The following CTIF variants were observed in gnomAD, a reference collection of about 807,000 sequenced individuals.
The protein encoded by CTIF is cap binding complex dependent translation initiation factor, also known as CBP80/20-dependent translation initiation factor.
In CTIF, 21 loss-of-function variants were observed where a neutral mutation model predicts 66.0. The ratio of observed to expected loss-of-function variants is 0.32; its 90% CI spans 0.23 to 0.46. CTIF has a LOEUF of 0.46. CTIF is among the 20% of genes least tolerant of loss of function. The probability of loss-of-function intolerance (pLI) is 1.00; values close to 1 mark genes in which losing one functional copy is unlikely to be tolerated. For synonymous variants in CTIF, 345 were observed against 326.4 expected, an observed-to-expected ratio of 1.06 and a Z score of -0.62; for missense variants, 739 against 812.7, an observed-to-expected ratio of 0.91 and a Z score of 1.10.
chr18:48,782,850 C>A (rs760888556), intron 9 of CTIF, among the ~76,000 whole-genome samples: 1 of 152,114 alleles, frequency 6.6e-6, no homozygotes, highest in East Asian at 1.9e-4. Context: ...GGAATGCCCA[C>A]GCCTGTGGCC....
At chr18:48,653,611 A>G (rs1367808466) in intron 3 of CTIF, among the ~76,000 whole-genome samples, 1 of 152,220 alleles carries the variant, frequency 6.6e-6, no homozygotes, top group Non-Finnish European at 1.5e-5. Context: ...TCTTCACAGA[A>G]TTGGAAAAAA....
At chr18:48,707,355 T>G (rs369345786) in intron 6 of CTIF, among the ~76,000 whole-genome samples, 16 of 152,346 alleles carry the variant, frequency 1.1e-4, no homozygotes, top group African/African-American at 3.8e-4. Flanking sequence ...CAACTTATAC[T>G]TTTTCCAGAT....
chr18:48,623,982 C>A (rs902751302), intron 2 of CTIF, among the ~76,000 whole-genome samples: 2 of 152,016 alleles, frequency 1.3e-5, no homozygotes, highest in Middle Eastern at 3.2e-3. Context: ...GATGAATAAC[C>A]AAGACAATGT....
chr18:48,764,024 C>G (rs933689747), intron 9 of CTIF, among the ~76,000 whole-genome samples: 16 of 152,122 alleles, frequency 1.1e-4, no homozygotes, highest in Admixed American at 1.3e-4. Flanking sequence ...TCCCCACCCC[C>G]CATCAGCCAG....
intron 1 of CTIF, among the ~76,000 whole-genome samples, chr18:48,587,909 A>T (rs545665364): frequency 3.5e-4 from 53 of 152,352 alleles, no homozygotes; most frequent in Admixed American, 2.9e-3. Context: ...CACACAGCCA[A>T]TCGCCTTTCT....
rs1158576631 is a variant in CTIF, at chr18:48,761,215, GC to G, written c.1072-174del. On this transcript the variant is annotated intron_variant, in intron 8 of 11. Transcript: ENST00000256413. The surrounding 1 kb of genome is among the most constrained non-coding windows in gnomAD (Gnocchi z 4.2). ...GGGCCAAGAAAAAAGGCAACAAGGA[GC>G]TTTTGGCGCATGAGGGGTCTTTGGT... 1 of 608,250 alleles carries G rather than the reference GC, an allele frequency of 1.6e-6. No individual in the cohort carries two copies. Among genetic ancestry groups the G allele is most frequent in the African/African-American group, 1.8e-5 (1 of 54,114 alleles). 37.7% of individuals were successfully genotyped at this position (608,250 alleles called of 1,614,324 possible).
chr18:48,622,307 G>C (rs2090509951), intron 2 of CTIF, among the ~76,000 whole-genome samples: 1 of 152,100 alleles, frequency 6.6e-6, no homozygotes, highest in South Asian at 2.1e-4. Context: ...TCCAGGAGTG[G>C]GGTGTTTGAA....
At chr18:48,848,729 G>T (rs1415493438) in intron 10 of CTIF, among the ~76,000 whole-genome samples, 2 of 152,162 alleles carry the variant, frequency 1.3e-5, no homozygotes, top group African/African-American at 4.8e-5. Flanking sequence ...TGTGCCCGTG[G>T]CCCTTCCCCC....
At chr18:48,598,490 T>C (rs1210171056) in intron 1 of CTIF, among the ~76,000 whole-genome samples, 2 of 152,136 alleles carry the variant, frequency 1.3e-5, no homozygotes, top group African/African-American at 2.4e-5. Context: ...TCAGAATATA[T>C]GCAGCAGGGC....
chr18:48,612,287 C>T (rs753671708), intron 1 of CTIF, among the ~76,000 whole-genome samples: 29 of 152,178 alleles, frequency 1.9e-4, no homozygotes, highest in Admixed American at 1.6e-3. Flanking sequence ...ATGGCTTCCT[C>T]GGGGAGAGCC....
At chr18:48,819,724 T>C (rs2068443106) in intron 10 of CTIF, among the ~76,000 whole-genome samples, 1 of 152,230 alleles carries the variant, frequency 6.6e-6, no homozygotes, top group South Asian at 2.1e-4. Context: ...AAATCACCTA[T>C]GGTCTTCTCC....
intron 7 of CTIF, among the ~76,000 whole-genome samples, chr18:48,739,255 T>A (rs2092533107): frequency 6.6e-6 from 1 of 152,030 alleles, no homozygotes; most frequent in Non-Finnish European, 1.5e-5. Flanking sequence ...TGGGGCAGAG[T>A]TAGCACAGGC....
At chr18:48,840,116 C>T (rs547115519) in intron 10 of CTIF, among the ~76,000 whole-genome samples, 2 of 152,312 alleles carry the variant, frequency 1.3e-5, no homozygotes, top group African/African-American at 2.4e-5. Context: ...GGATGAGGCT[C>T]TTACCATTGT....
chr18:48,853,607 A>G (rs980052477), intron 10 of CTIF, among the ~76,000 whole-genome samples: 1 of 152,150 alleles, frequency 6.6e-6, no homozygotes, highest in Non-Finnish European at 1.5e-5. Flanking sequence ...CTGCAAACCC[A>G]GTTCTCAGGC....
chr18:48,671,843 G>A (rs1021271844), intron 6 of CTIF, among the ~76,000 whole-genome samples: 7 of 147,302 alleles, frequency 4.8e-5, no homozygotes, highest in African/African-American at 1.0e-4. Context: ...GTTTCATTTT[G>A]GATAGCTTTT....
At chr18:48,698,141 A>G (rs946469937) in intron 6 of CTIF, among the ~76,000 whole-genome samples, 5 of 113,706 alleles carry the variant, frequency 4.4e-5, no homozygotes, top group African/African-American at 1.9e-4. Context: ...AAAAAAAAAA[A>G]GCAAACTCCC....
chr18:48,688,367 G>A (rs1309857941), intron 6 of CTIF: 2 of 152,324 alleles, frequency 1.3e-5, no homozygotes. Flanking sequence ...TGGGGCTGGT[G>A]AAGAAGAGAG....
At chr18:48,751,160 C>A (rs1159825011) in intron 7 of CTIF, among the ~76,000 whole-genome samples, 2 of 152,230 alleles carry the variant, frequency 1.3e-5, no homozygotes, top group South Asian at 4.1e-4. Flanking sequence ...AGTCCTGTGG[C>A]CTCAGGACCA....
At position 48,554,817 on chromosome 18, in the gene CTIF, T is replaced by C. The variant is rs554344738; in HGVS notation, c.-29+15505T>C. 3.0e-3 allele frequency among the ~76,000 whole-genome samples: 461 copies of C among 152,360 alleles called. 1 individual carries two copies. The highest frequency in any genetic ancestry group is 4.5e-3 in the Non-Finnish European group (306 of 68,032). On this transcript the variant is annotated intron_variant, in intron 1 of 11. Transcript: ENST00000256413. ...TGGCCTCCTGCAGGCATCTGCCTTG[T>C]AGCCTCCCGGGAATTGGAAGCTTAC...
Sources: allele counts gnomAD v4.1 joint callset (sites outside exome capture counted in the v4.1 genomes callset), GRCh38; gene constraint gnomAD v4.1.1; non-coding constraint Gnocchi (gnomAD v3.1); transcripts MANE v1.5; gene names NCBI Gene and HGNC (gene_info 2026-07-23, HGNC 2026-07-21).